CSNK1G3: variants seen among roughly 807,000 people sequenced by gnomAD.
CSNK1G3 encodes casein kinase 1 gamma 3.
CSNK1G3 carries 23 observed loss-of-function variants against 64.3 expected under a neutral mutation model. The observed-to-expected ratio is 0.36, with a 90% CI of 0.26 to 0.51. The LOEUF (loss-of-function observed/expected upper bound fraction) is 0.51. Among genes scored for constraint, CSNK1G3 ranks in the 20% least tolerant of loss-of-function variants. The pLI, the probability that CSNK1G3 is intolerant of heterozygous loss-of-function variation, is 0.96. For synonymous variants in CSNK1G3, 158 were observed against 162.2 expected, an observed-to-expected ratio of 0.97 and a Z score of 0.20; for missense variants, 357 against 510.5, an observed-to-expected ratio of 0.70 and a Z score of 2.90.
chr5:123,607,115 G>A lies in CSNK1G3; in HGVS notation c.1217+1753G>A, dbSNP rs149201923. Among the ~76,000 whole-genome samples, 47 of 152,104 alleles carry A rather than the reference G, an allele frequency of 3.1e-4. 1 individual carries two copies. In the East Asian group the frequency reaches 7.2e-3, roughly 23 times the overall value. On this transcript the variant is annotated intron_variant, in intron 12 of 12. Transcript: ENST00000345990. Reference sequence around the variant, plus strand: ...AGGATGTGAAAGAAGAAAGTGGTGGGAAGGCTATTGCTATAGGAAGGGTTC... The same window carrying A: ...AGGATGTGAAAGAAGAAAGTGGTGGAAAGGCTATTGCTATAGGAAGGGTTC...
chr5:123,561,417 T>G (rs1251332730), intron 4 of CSNK1G3, among the ~76,000 whole-genome samples: 1 of 152,142 alleles, frequency 6.6e-6, no homozygotes, highest in Admixed American at 6.6e-5. Context: ...TGGATATAAA[T>G]AGATTTGACT....
chr5:123,519,007 G>T (rs1427085570), intron 1 of CSNK1G3, among the ~76,000 whole-genome samples: 1 of 152,114 alleles, frequency 6.6e-6, no homozygotes, highest in African/African-American at 2.4e-5. Context: ...TGATCTGCCT[G>T]CCTTGGCCTC....
At chr5:123,571,830 G>A (rs1284818561) in intron 4 of CSNK1G3, among the ~76,000 whole-genome samples, 1 of 152,054 alleles carries the variant, frequency 6.6e-6, no homozygotes, top group Non-Finnish European at 1.5e-5. Context: ...ATTTTTTCAT[G>A]CTAATAGATA....
chr5:123,615,177 G>A (rs1270890594), exon 13 of CSNK1G3: 1 of 152,584 alleles, frequency 6.6e-6, no homozygotes, highest in Non-Finnish European at 1.5e-5. Context: ...AAATAATAAT[G>A]TATGTTAGAC....
At chr5:123,521,624 AT>A (rs1457165421) in intron 1 of CSNK1G3, among the ~76,000 whole-genome samples, 2 of 152,194 alleles carry the variant, frequency 1.3e-5, no homozygotes, top group African/African-American at 2.4e-5. Flanking sequence ...GCTAAAATTA[AT>A]TTTACTATAC....
At chr5:123,588,008 C>A in intron 6 of CSNK1G3, 60 bp from the exon 7 acceptor site, 2 of 1,042,724 alleles carry the variant, frequency 1.9e-6, no homozygotes, top group East Asian at 2.5e-5. Context: ...AACAAACTCT[C>A]CATTCTTCCA....
intron 6 of CSNK1G3, among the ~76,000 whole-genome samples, chr5:123,584,836 G>A (rs1791008892): frequency 6.6e-6 from 1 of 152,240 alleles, no homozygotes; most frequent in East Asian, 1.9e-4. Flanking sequence ...TCCATTTCAT[G>A]TAAGTTGTTT....
intron 1 of CSNK1G3, among the ~76,000 whole-genome samples, chr5:123,525,214 TTCTG>T (rs1048113294): frequency 1.3e-5 from 2 of 152,100 alleles, no homozygotes; most frequent in African/African-American, 2.4e-5. Flanking sequence ...AATGGATTGT[TTCTG>T]TCTTTTTTTT....
intron 1 of CSNK1G3, among the ~76,000 whole-genome samples, chr5:123,518,215 G>C (rs546924417): frequency 2.0e-4 from 31 of 152,328 alleles, no homozygotes; most frequent in Non-Finnish European, 3.8e-4. Context: ...AGGAGCACTT[G>C]AGCCTCCTAT....
chr5:123,524,727 G>C (rs1189943109), intron 1 of CSNK1G3, among the ~76,000 whole-genome samples: 1 of 152,138 alleles, frequency 6.6e-6, no homozygotes. Flanking sequence ...CTGCCAGAAA[G>C]GTGACAAATA....
intron 1 of CSNK1G3, among the ~76,000 whole-genome samples, chr5:123,523,689 A>G (rs1580872005): frequency 1.3e-5 from 2 of 152,346 alleles, no homozygotes; most frequent in African/African-American, 4.8e-5. Flanking sequence ...AAATTGGTAC[A>G]TGATAAAGAG....
At position 123,605,820 on chromosome 5, in the gene CSNK1G3, A is replaced by G. The variant is rs1795274381; in HGVS notation, c.1217+458A>G. Among the ~76,000 whole-genome samples, 3 of 152,278 alleles carry G rather than the reference A, an allele frequency of 2.0e-5. No homozygotes were observed. The South Asian group carries it at 6.2e-4, about 32-fold the overall frequency. On this transcript the variant is annotated intron_variant, in intron 12 of 12. Transcript: ENST00000345990. ...AATTATCATTGCCCTTGAGTACAAT[A>G]TTGATAAATTTCATGATAACCTTGT...
At chr5:123,610,481 A>G (rs1796134742) in intron 12 of CSNK1G3, among the ~76,000 whole-genome samples, 2 of 152,142 alleles carry the variant, frequency 1.3e-5, no homozygotes, top group Non-Finnish European at 2.9e-5. Context: ...AACATGCTTC[A>G]GTTTCTGGGT....
chr5:123,581,690 G>T, intron 6 of CSNK1G3, among the ~76,000 whole-genome samples: 2 of 147,038 alleles, frequency 1.4e-5, no homozygotes, highest in African/African-American at 5.1e-5. Flanking sequence ...TTCCTTTTTA[G>T]GTTTGTTTTC....
intron 8 of CSNK1G3, among the ~76,000 whole-genome samples, chr5:123,590,101 A>C (rs1177722780): frequency 6.6e-6 from 1 of 152,122 alleles, no homozygotes; most frequent in East Asian, 1.9e-4. Context: ...TAAACTGCTT[A>C]TTCAACTTCT....
chr5:123,598,836 A>G (rs973467063), intron 10 of CSNK1G3, among the ~76,000 whole-genome samples: 1 of 152,102 alleles, frequency 6.6e-6, no homozygotes. Flanking sequence ...GAAAGGAGAC[A>G]AGTCTAAATG....
chr5:123,568,443 T>C (rs1787392700), intron 4 of CSNK1G3, among the ~76,000 whole-genome samples: 1 of 152,194 alleles, frequency 6.6e-6, no homozygotes, highest in Admixed American at 6.5e-5. Flanking sequence ...TCATTGTTGT[T>C]GTGTAAAATA....
rs542638874 is a variant in CSNK1G3, at chr5:123,530,026, A to G, written c.-247-15391A>G. Among the ~76,000 whole-genome samples the G allele has an allele frequency of 5.3e-5, 8 of 151,660 alleles. No individual in the cohort carries two copies. The East Asian group carries it at 1.2e-3, about 22-fold the overall frequency. ...GTGGCATGCACCTGTAGTCCCAGCT[A>G]TTTTGAGATGTGTTCGGGCCACTGC... is the stretch of plus-strand genomic sequence containing the variant. On this transcript the variant is annotated intron_variant, in intron 1 of 12. Transcript: ENST00000345990.
chr5:123,550,182 A>G (rs2150328198), intron 2 of CSNK1G3, among the ~76,000 whole-genome samples: 1 of 152,322 alleles, frequency 6.6e-6, no homozygotes, highest in East Asian at 1.9e-4. Flanking sequence ...ATTCCAATAT[A>G]TAGTGGTTTC....
Sources: gnomAD v4.1 joint callset for allele counts (sites outside exome capture counted in the v4.1 genomes callset) on GRCh38, gnomAD v4.1.1 for gene constraint, MANE v1.5 for transcripts, NCBI Gene and HGNC (gene_info 2026-07-23, HGNC 2026-07-21) for gene names.